The following ADAM7 variants were observed in gnomAD, a reference collection of about 807,000 sequenced individuals.
ADAM7 encodes disintegrin and metalloproteinase domain-containing protein 7.
In ADAM7, 97 loss-of-function variants were observed where a neutral mutation model predicts 102.9. The observed-to-expected ratio is 0.94, with a 90% CI of 0.80 to 1.12. The LOEUF (loss-of-function observed/expected upper bound fraction) is 1.12. Ranked by LOEUF, ADAM7 falls within the 50% of genes most tolerant of loss-of-function variation. ADAM7 has a pLI of 0.00. For synonymous variants in ADAM7, 334 were observed against 304.4 expected (o/e 1.10, Z -1.01); for missense variants, 991 against 908.7 (o/e 1.09, Z -1.16).
intron 7 of ADAM7, among the ~76,000 whole-genome samples, chr8:24,471,026 T>C (rs771516690): frequency 8.5e-5 from 13 of 152,090 alleles, no homozygotes; most frequent in Non-Finnish European, 1.5e-4. Context: ...ATAGTGATGG[T>C]CCTGATTTTG....
chr8:24,454,503 G>A (rs915559621), intron 3 of ADAM7, among the ~76,000 whole-genome samples: 6 of 152,150 alleles, frequency 3.9e-5, no homozygotes, highest in Non-Finnish European at 5.9e-5. Context: ...TAAGCCCGTC[G>A]GAAAAGTGCA....
chr8:24,445,281 C>T lies in ADAM7; in HGVS notation c.157-1905C>T, dbSNP rs150287806. ...CCCACCCTAGTTTCTTGGCCTCCCACGTGGGGATTCTGTGTCTTTATGATA... is the reference window on the plus strand; with the variant it reads ...CCCACCCTAGTTTCTTGGCCTCCCATGTGGGGATTCTGTGTCTTTATGATA... On this transcript the variant is annotated intron_variant, in intron 2 of 21. Transcript: ENST00000175238. Among the ~76,000 whole-genome samples, 58 of 152,234 alleles carry T rather than the reference C, an allele frequency of 3.8e-4. 3 individuals carry two copies. In the East Asian group the frequency reaches 9.7e-3, roughly 25 times the overall value.
Position 24,491,017 on chromosome 8 carries a change from A to G in ADAM7, c.1356+129A>G, listed in dbSNP as rs1171455674. 40 of 851,254 alleles carry G rather than the reference A, an allele frequency of 4.7e-5. No homozygotes were observed. In the East Asian group the frequency reaches 8.6e-4, roughly 18 times the overall value. 52.7% of individuals were successfully genotyped at this position (851,254 alleles called of 1,614,324 possible). Reference sequence around the variant, plus strand: ...ATGAAGCTAGGCTTGCAAGTACCCAACAGAGATTCTTGTGAGATGCTCCAA... The same window carrying G: ...ATGAAGCTAGGCTTGCAAGTACCCAGCAGAGATTCTTGTGAGATGCTCCAA... On this transcript the variant is annotated intron_variant, in intron 13 of 21. Coordinates refer to ENST00000175238, the MANE Select transcript of ADAM7 (RefSeq NM_003817.4).
intron 8 of ADAM7, among the ~76,000 whole-genome samples, chr8:24,479,525 A>G (rs1819879503): frequency 6.6e-6 from 1 of 152,094 alleles, no homozygotes; most frequent in South Asian, 2.1e-4. Flanking sequence ...CAAAACAGCA[A>G]TTCTCCCCTT....
At chr8:24,504,574 A>T (rs1479378918) in intron 20 of ADAM7, among the ~76,000 whole-genome samples, 1 of 152,204 alleles carries the variant, frequency 6.6e-6, no homozygotes, top group East Asian at 1.9e-4. Context: ...GCTAATAATT[A>T]ACTGACTCTT....
intron 3 of ADAM7, among the ~76,000 whole-genome samples, chr8:24,461,129 A>G (rs1210425068): frequency 6.6e-6 from 1 of 151,960 alleles, no homozygotes; most frequent in African/African-American, 2.4e-5. Context: ...AGTAGCTGGG[A>G]CTACAGGCAC....
intron 7 of ADAM7, among the ~76,000 whole-genome samples, chr8:24,471,036 G>A (rs1035929691): frequency 3.3e-5 from 5 of 152,012 alleles, no homozygotes; most frequent in African/African-American, 1.2e-4. Context: ...TCCTGATTTT[G>A]TGTAGGTTTA....
At position 24,450,258 on chromosome 8, in the gene ADAM7, G is replaced by A. The variant is rs202113784; in HGVS notation, c.233+2996G>A. 2.0e-4 allele frequency among the ~76,000 whole-genome samples: 30 copies of A among 152,188 alleles called. 1 individual carries two copies. Among genetic ancestry groups the A allele is most frequent in the Admixed American group, 7.9e-4 (12 of 15,268 alleles). ...CCTTGGGCAGTATGGCCATTTTCAC[G>A]ATATTGATTCTTCCTACCCATGAGC... On this transcript the variant is annotated intron_variant, in intron 3 of 21. Transcript: ENST00000175238.
rs927371566 is a variant in ADAM7, at chr8:24,442,669, G to A, written c.156+93G>A. On this transcript the variant is annotated intron_variant, in intron 2 of 21. Coordinates refer to ENST00000175238, the MANE Select transcript of ADAM7 (RefSeq NM_003817.4). ...CCAACCAGAAGCAAATAGGGAGAGA[G>A]GAGTTTCAATTTTTCTAAGGACTCC... is the stretch of plus-strand genomic sequence containing the variant. The A allele has an allele frequency of 6.5e-5, 67 of 1,032,256 alleles. No homozygotes were observed. In the Admixed American group the frequency reaches 1.2e-3, roughly 18 times the overall value. 63.9% of individuals were successfully genotyped at this position (1,032,256 alleles called of 1,614,324 possible).
At chr8:24,492,388 A>T in intron 14 of ADAM7, 107 bp from the exon 15 acceptor site, 1 of 841,308 alleles carries the variant, frequency 1.2e-6, no homozygotes, top group Non-Finnish European at 1.9e-6. Flanking sequence ...ATTCTACTTC[A>T]CTATGACATG....
At chr8:24,499,132 G>A (rs1820659672) in intron 16 of ADAM7, 104 bp from the exon 17 acceptor site, 5 of 822,634 alleles carry the variant, frequency 6.1e-6, no homozygotes, top group Non-Finnish European at 9.1e-6. Flanking sequence ...TTTTTCATAT[G>A]TAAATTACAT....
intron 2 of ADAM7, 38 bp from the exon 3 acceptor site, chr8:24,447,148 G>T: frequency 8.2e-7 from 1 of 1,226,168 alleles, no homozygotes; most frequent in Non-Finnish European, 1.2e-6. Context: ...CACTAAATGA[G>T]CCCATGTTGA....
At chr8:24,463,066 G>A (rs1161257439) in intron 3 of ADAM7, among the ~76,000 whole-genome samples, 6 of 152,090 alleles carry the variant, frequency 3.9e-5, no homozygotes, top group Admixed American at 3.9e-4. Flanking sequence ...AATGCTTATT[G>A]TCTTCACCTG....
At chr8:24,482,052 G>A in intron 8 of ADAM7, 90 bp from the exon 9 acceptor site, 1 of 972,260 alleles carries the variant, frequency 1.0e-6, no homozygotes, top group East Asian at 2.7e-5. Flanking sequence ...TCAAATTATT[G>A]TTTTTTGGGG....
At chr8:24,487,348 T>C in intron 11 of ADAM7, 31 bp downstream of exon 11, 2 of 1,606,814 alleles carry the variant, frequency 1.2e-6, no homozygotes, top group East Asian at 2.2e-5. Context: ...AGAATACACT[T>C]ACATAATTCA....
At chr8:24,470,255 T>C (rs1226245166) in intron 7 of ADAM7, among the ~76,000 whole-genome samples, 2 of 151,950 alleles carry the variant, frequency 1.3e-5, no homozygotes, top group Non-Finnish European at 2.9e-5. Flanking sequence ...AAAATTTAAA[T>C]TGAGTACTAA....
Position 24,482,179 on chromosome 8 carries a change from G to A in ADAM7, c.743G>A (p.Gly248Asp). The A allele has an allele frequency of 6.3e-7, 1 of 1,596,636 alleles. No individual in the cohort carries two copies. Among genetic ancestry groups the A allele is most frequent in the Non-Finnish European group, 8.5e-7 (1 of 1,174,774 alleles). Reference sequence around the variant, plus strand: ...TTAAACATCCATGTGACGTTGGTTGGCATTGAAATATGGACACATGAAGAT... The same window carrying A: ...TTAAACATCCATGTGACGTTGGTTGACATTGAAATATGGACACATGAAGAT... Reference protein sequence around the residue: ...KTLNIHVTLVGIEIWTHEDKI... With the variant: ...KTLNIHVTLVDIEIWTHEDKI... Residue 248 changes from glycine to aspartate, a missense_variant, in exon 9 of 22, where the codon GGC (glycine) becomes GAC (aspartate). Physicochemically the swap from Gly to Asp is moderately conservative, Grantham distance 94. Coordinates refer to ENST00000175238, the MANE Select transcript of ADAM7 (RefSeq NM_003817.4).
intron 10 of ADAM7, among the ~76,000 whole-genome samples, chr8:24,486,315 G>T (rs1820142878): frequency 6.6e-6 from 1 of 152,160 alleles, no homozygotes; most frequent in Non-Finnish European, 1.5e-5. Context: ...GGAACTATGA[G>T]CCAAGTTAAC....
intron 3 of ADAM7, among the ~76,000 whole-genome samples, chr8:24,459,431 A>C (rs2129379117): frequency 6.6e-6 from 1 of 150,922 alleles, no homozygotes; most frequent in South Asian, 2.1e-4. Context: ...TCAATTGTCG[A>C]CCTTTTATTT....
Sources: gnomAD v4.1 joint callset for allele counts (sites outside exome capture counted in the v4.1 genomes callset) on GRCh38, gnomAD v4.1.1 for gene constraint, MANE v1.5 for transcripts, NCBI Gene and HGNC (gene_info 2026-07-23, HGNC 2026-07-21) for gene names.